Variants in GATAD2A observed in about 807,000 individuals in gnomAD.
The protein encoded by GATAD2A is transcriptional repressor p66-alpha.
GATAD2A carries 12 observed loss-of-function variants against 68.5 expected under a neutral mutation model. The observed-to-expected ratio is 0.18, with a 90% confidence interval of 0.11 to 0.28. GATAD2A has a LOEUF of 0.28. Ranked by LOEUF, GATAD2A falls within the 10% of genes least tolerant of loss-of-function variation. The probability of loss-of-function intolerance (pLI) is 1.00; values close to 1 mark genes in which losing one functional copy is unlikely to be tolerated. For missense variants in GATAD2A, 755 were observed against 868.5 expected (o/e 0.87, Z 1.64); for synonymous variants, 410 against 375.3 (o/e 1.09, Z -1.07).
intron 2 of GATAD2A, among the ~76,000 whole-genome samples, chr19:19,471,644 G>A (rs2058323017): frequency 1.3e-5 from 2 of 152,208 alleles, no homozygotes; most frequent in Middle Eastern, 3.4e-3. Context: ...CTCTTACGGT[G>A]GCTGAATTTT....
chr19:19,471,556 C>A (rs1385618944), intron 2 of GATAD2A, among the ~76,000 whole-genome samples: 1 of 152,026 alleles, frequency 6.6e-6, no homozygotes, highest in Non-Finnish European at 1.5e-5. Flanking sequence ...CACATGGGCA[C>A]GTTTTGGGAA....
At chr19:19,420,313 G>A (rs2052232911) in intron 1 of GATAD2A, among the ~76,000 whole-genome samples, 2 of 138,884 alleles carry the variant, frequency 1.4e-5, no homozygotes, top group Non-Finnish European at 3.1e-5. Flanking sequence ...GAGAGCCGTC[G>A]CGCCCAGCCC....
intron 1 of GATAD2A, among the ~76,000 whole-genome samples, chr19:19,435,354 G>A (rs1413029176): frequency 6.6e-6 from 1 of 152,046 alleles, no homozygotes; most frequent in Non-Finnish European, 1.5e-5. Context: ...CTCCCAAGTA[G>A]ATGGGACCAC....
chr19:19,498,923 C>T (rs764542661), intron 8 of GATAD2A, among the ~76,000 whole-genome samples: 13 of 152,226 alleles, frequency 8.5e-5, no homozygotes, highest in African/African-American at 2.7e-4. Context: ...AGAGCCAGGC[C>T]CCGAGAGGCT....
At chr19:19,503,682 T>G (rs1192499217) in intron 11 of GATAD2A, among the ~76,000 whole-genome samples, 2 of 148,658 alleles carry the variant, frequency 1.3e-5, no homozygotes, top group African/African-American at 5.0e-5. Flanking sequence ...GTTTAAAGTT[T>G]GAAAGGGAGC....
chr19:19,486,313 C>T (rs1305151403), intron 2 of GATAD2A, among the ~76,000 whole-genome samples: 2 of 152,258 alleles, frequency 1.3e-5, no homozygotes, highest in Non-Finnish European at 2.9e-5. Context: ...CTGCCCTTAT[C>T]TTCCCAGTGT....
intron 1 of GATAD2A, among the ~76,000 whole-genome samples, chr19:19,450,839 C>T (rs2094412678): frequency 6.6e-6 from 1 of 151,188 alleles, no homozygotes. Context: ...GGCATGATCT[C>T]GGCTCACTAC....
In GATAD2A at chr19:19,505,557, G is replaced by A. The variant is rs554807650; in HGVS notation, c.*83G>A. ...AGAAGGACCCACTGCACCACCCTCC[G>A]CTGGCTCGGGAAGACACCGTGCCCG... is the stretch of plus-strand genomic sequence containing the variant. On this transcript the variant is annotated 3_prime_UTR_variant, in exon 12 of 12. Coordinates refer to ENST00000683918, the MANE Select transcript of GATAD2A (RefSeq NM_001384528.1). 27 of 1,275,618 alleles carry A rather than the reference G, an allele frequency of 2.1e-5. No individual in the cohort carries two copies. The African/African-American group carries it at 2.3e-4, about 11-fold the overall frequency. The allele number at this position is 1,275,618 out of a possible 1,614,324, so 79.0% of individuals were successfully genotyped here. A position where few individuals can be genotyped will look rare whatever the true frequency, so the allele number is the denominator to read the frequency against.
intron 7 of GATAD2A, 109 bp downstream of exon 7, chr19:19,496,328 T>C (rs1487884587): frequency 2.0e-6 from 2 of 1,003,852 alleles, no homozygotes; most frequent in Non-Finnish European, 3.0e-6. Flanking sequence ...CTGTGTGGCA[T>C]GACCTGCCTT....
intron 1 of GATAD2A, among the ~76,000 whole-genome samples, chr19:19,414,087 TG>T (rs1020404271): frequency 6.6e-6 from 1 of 152,146 alleles, no homozygotes; most frequent in African/African-American, 2.4e-5. Flanking sequence ...CCTCAGATGT[TG>T]GTGGTAGGAG....
At chr19:19,496,892 A>G (rs2060191311) in intron 7 of GATAD2A, among the ~76,000 whole-genome samples, 1 of 152,082 alleles carries the variant, frequency 6.6e-6, no homozygotes, top group Non-Finnish European at 1.5e-5. Flanking sequence ...TCTTTGGCAC[A>G]GTTTGTTCTT....
intron 1 of GATAD2A, among the ~76,000 whole-genome samples, chr19:19,455,265 G>A (rs1347754428): frequency 1.3e-5 from 2 of 152,142 alleles, no homozygotes; most frequent in Non-Finnish European, 2.9e-5. Context: ...CGAGGCAGGT[G>A]GATTGCCTGA....
rs553552396 is a variant in GATAD2A, at chr19:19,507,680, C to G, written c.*2206C>G. 1 of 152,194 alleles carries G rather than the reference C, an allele frequency of 6.6e-6. No homozygotes were observed. The highest frequency in any genetic ancestry group is 1.5e-5 in the Non-Finnish European group (1 of 68,050). The allele number at this position is 152,194 out of a possible 1,614,324, so 9.4% of individuals were successfully genotyped here. On this transcript the variant is annotated 3_prime_UTR_variant, in exon 12 of 12. Coordinates refer to ENST00000683918, the MANE Select transcript of GATAD2A (RefSeq NM_001384528.1). ...TGAGTTCATATGGACTGCTGCCCCT[C>G]GAAAGGGAGAGGGTCGGCCCCATGT...
intron 1 of GATAD2A, among the ~76,000 whole-genome samples, chr19:19,410,302 C>G (rs2050766668): frequency 6.6e-6 from 1 of 151,370 alleles, no homozygotes; most frequent in Non-Finnish European, 1.5e-5. Flanking sequence ...AAGGAGGGCT[C>G]CCAGCAAGTC....
intron 1 of GATAD2A, among the ~76,000 whole-genome samples, chr19:19,439,777 G>A (rs1184185758): frequency 1.3e-5 from 2 of 152,132 alleles, no homozygotes; most frequent in African/African-American, 4.8e-5. Flanking sequence ...GAACCCAGGA[G>A]GCGGAGGTTG....
chr19:19,477,695 G>C (rs546271674), intron 2 of GATAD2A, among the ~76,000 whole-genome samples: 24 of 152,312 alleles, frequency 1.6e-4, no homozygotes, highest in Admixed American at 3.3e-4. Flanking sequence ...CCCCCCTCTG[G>C]AGAAGGGAGA....
rs191883692 is a variant in GATAD2A at position 19,449,622 on chromosome 19, G to A, written c.-6-15718G>A. On this transcript the variant is annotated intron_variant, in intron 1 of 11. Coordinates refer to ENST00000683918, the MANE Select transcript of GATAD2A (RefSeq NM_001384528.1). ...AAAAAAAAAAAAAAAATCCAGCCTG[G>A]GCAACATGGTTGAAACTCTGTCTCT... Among the ~76,000 whole-genome samples the A allele has an allele frequency of 4.0e-3, 608 of 151,404 alleles. 1 individual carries two copies. Among genetic ancestry groups the A allele is most frequent in the Non-Finnish European group, 6.3e-3 (426 of 67,914 alleles).
At chr19:19,395,670 G>C (rs1029832660) in intron 1 of GATAD2A, among the ~76,000 whole-genome samples, 12 of 152,148 alleles carry the variant, frequency 7.9e-5, no homozygotes, top group African/African-American at 2.9e-4. Flanking sequence ...TGCACCAAGA[G>C]CTGCCTGGAG....
intron 2 of GATAD2A, among the ~76,000 whole-genome samples, chr19:19,490,019 A>G (rs2059679249): frequency 1.3e-5 from 2 of 152,216 alleles, no homozygotes; most frequent in African/African-American, 4.8e-5. Context: ...AAGGAGAGAC[A>G]TGCTGGCGGT....
Sources: gnomAD v4.1 joint callset for allele counts (sites outside exome capture counted in the v4.1 genomes callset) on GRCh38, gnomAD v4.1.1 for gene constraint, MANE v1.5 for transcripts, NCBI Gene and HGNC (gene_info 2026-07-23, HGNC 2026-07-21) for gene names.